HSD17B4: variants seen among roughly 807,000 people sequenced by gnomAD.
HSD17B4 encodes peroxisomal multifunctional enzyme type 2.
In HSD17B4, 70 loss-of-function variants were observed where a neutral mutation model predicts 101.0. The ratio of observed to expected loss-of-function variants is 0.69; its 90% CI spans 0.57 to 0.85. The LOEUF (loss-of-function observed/expected upper bound fraction) is 0.85, where lower values mean the gene tolerates loss of function less well. Among genes scored for constraint, HSD17B4 ranks in the 40% least tolerant of loss-of-function variants. The probability of loss-of-function intolerance (pLI) is 0.00; values close to 1 mark genes in which losing one functional copy is unlikely to be tolerated. For missense variants in HSD17B4, 984 were observed against 892.4 expected (o/e 1.10, Z -1.31); for synonymous variants, 347 against 297.1 (o/e 1.17, Z -1.73).
intron 23 of HSD17B4, among the ~76,000 whole-genome samples, 195 bp from the exon 24 acceptor site, chr5:119,541,710 T>G (rs1284836004): frequency 6.7e-6 from 1 of 148,982 alleles, no homozygotes; most frequent in Non-Finnish European, 1.5e-5. Context: ...ACAGGAATGA[T>G]TTTTCTTTTT....
chr5:119,528,077 T>C (rs1285155302), intron 20 of HSD17B4, among the ~76,000 whole-genome samples: 1 of 152,144 alleles, frequency 6.6e-6, no homozygotes, highest in Non-Finnish European at 1.5e-5. Flanking sequence ...CAGCTTTCAT[T>C]TATTGAGAAC....
At chr5:119,510,479 A>G (rs573599383) in intron 16 of HSD17B4, among the ~76,000 whole-genome samples, 40 of 152,322 alleles carry the variant, frequency 2.6e-4, no homozygotes, top group African/African-American at 8.9e-4. Context: ...ACTGTAGTCA[A>G]TATTCTTCTG....
intron 8 of HSD17B4, among the ~76,000 whole-genome samples, chr5:119,484,986 T>C (rs1749485218): frequency 6.6e-6 from 1 of 152,192 alleles, no homozygotes. Context: ...TATGATACTA[T>C]ATAGACACAA....
At chr5:119,540,185 C>T (rs1440477857) in intron 23 of HSD17B4, among the ~76,000 whole-genome samples, 3 of 152,090 alleles carry the variant, frequency 2.0e-5, no homozygotes, top group African/African-American at 4.8e-5. Context: ...TTGCATGGCA[C>T]TCCTAGGCCA....
intron 10 of HSD17B4, chr5:119,493,034 T>C (rs966792167): frequency 2.0e-5 from 3 of 152,184 alleles, no homozygotes; most frequent in African/African-American, 7.2e-5. Context: ...GAGTGTCTTA[T>C]TGCATTCATT....
intron 17 of HSD17B4, among the ~76,000 whole-genome samples, chr5:119,517,779 C>T (rs1432429630): frequency 6.6e-6 from 1 of 151,912 alleles, no homozygotes; most frequent in Non-Finnish European, 1.5e-5. Context: ...TGTAAATGCA[C>T]CAATCGGCAC....
At chr5:119,471,150 C>T (rs1756326257) in intron 2 of HSD17B4, among the ~76,000 whole-genome samples, 1 of 152,166 alleles carries the variant, frequency 6.6e-6, no homozygotes, top group African/African-American at 2.4e-5. Context: ...AGACTGTTAA[C>T]TGTCTTAAAA....
intron 2 of HSD17B4, among the ~76,000 whole-genome samples, chr5:119,464,007 A>G (rs1755554632): frequency 6.6e-6 from 1 of 152,016 alleles, no homozygotes; most frequent in Non-Finnish European, 1.5e-5. Context: ...TGCCATTTTA[A>G]AAATATACTG....
At chr5:119,492,287 T>C (rs1750180391) in intron 10 of HSD17B4, 163 bp downstream of exon 10, 5 of 685,272 alleles carry the variant, frequency 7.3e-6, no homozygotes, top group Admixed American at 4.2e-5. Flanking sequence ...TTTTTAAACA[T>C]TGTGATTGTC....
chr5:119,454,307 A>ATT (rs5870857), intron 1 of HSD17B4, among the ~76,000 whole-genome samples: 38 of 146,926 alleles, frequency 2.6e-4, no homozygotes, highest in East Asian at 6.0e-4. Context: ...AGTTGATTAA[A>ATT]TTTTTTTTTT....
chr5:119,471,478 T>C (rs1756359009), intron 2 of HSD17B4, among the ~76,000 whole-genome samples: 1 of 152,148 alleles, frequency 6.6e-6, no homozygotes, highest in Admixed American at 6.5e-5. Context: ...TACTTATTTA[T>C]CCAATTCCAC....
Position 119,536,674 on chromosome 5 carries a change from A to C in HSD17B4, c.2121+124A>C, listed in dbSNP as rs181168860. ...GGTTTCTTACAACTCTGAAGATGAC[A>C]CAGTTGCTACTGATACTCTGGTTGA... is the stretch of plus-strand genomic sequence containing the variant. On this transcript the variant is annotated intron_variant, in intron 23 of 23. Coordinates refer to ENST00000510025, the MANE Select transcript of HSD17B4 (RefSeq NM_000414.4). 4 of 836,666 alleles carry C rather than the reference A, an allele frequency of 4.8e-6. No individual in the cohort carries two copies. The East Asian group carries it at 1.1e-4, about 22-fold the overall frequency. 51.8% of individuals were successfully genotyped at this position (836,666 alleles called of 1,614,324 possible).
At chr5:119,539,087 A>G (rs1754764048) in intron 23 of HSD17B4, among the ~76,000 whole-genome samples, 1 of 152,182 alleles carries the variant, frequency 6.6e-6, no homozygotes, top group Non-Finnish European at 1.5e-5. Flanking sequence ...CAGACTCTAT[A>G]GTATATTTCC....
At chr5:119,478,300 C>G (rs1209740841) in intron 7 of HSD17B4, among the ~76,000 whole-genome samples, 1 of 152,078 alleles carries the variant, frequency 6.6e-6, no homozygotes, top group African/African-American at 2.4e-5. Flanking sequence ...TCATACATAC[C>G]TAATAGAAGC....
At chr5:119,541,860 T>A in intron 23 of HSD17B4, 45 bp from the exon 24 acceptor site, 6 of 1,073,636 alleles carry the variant, frequency 5.6e-6, no homozygotes, top group Non-Finnish European at 7.2e-6. Context: ...AAATAAACTA[T>A]AACATGGTAA....
chr5:119,529,984 G>C lies in HSD17B4; in HGVS notation c.1854+4G>C. 2 of 1,572,570 alleles carry C rather than the reference G, an allele frequency of 1.3e-6. No homozygotes were observed. Among genetic ancestry groups the C allele is most frequent in the Non-Finnish European group, 1.8e-6 (2 of 1,142,840 alleles). ...TTCAGCTAAGACACCCTCTGAGGTA[G>C]GTTATAAAAATTAGTATCCAAGCCA... On this transcript the variant is annotated splice_donor_region_variant and intron_variant, in intron 21 of 23. Transcript: ENST00000510025.
At chr5:119,460,015 T>C (rs1755062183) in intron 2 of HSD17B4, among the ~76,000 whole-genome samples, 1 of 151,840 alleles carries the variant, frequency 6.6e-6, no homozygotes, top group Non-Finnish European at 1.5e-5. Context: ...GGACTACAGG[T>C]GCCTGCCACC....
chr5:119,512,303 A>G (rs1350080429), intron 16 of HSD17B4, among the ~76,000 whole-genome samples: 1 of 152,182 alleles, frequency 6.6e-6, no homozygotes, highest in African/African-American at 2.4e-5. Context: ...TTGAGGAAAT[A>G]ATGGCTTCTG....
intron 2 of HSD17B4, among the ~76,000 whole-genome samples, chr5:119,470,746 G>A (rs932986946): frequency 2.0e-5 from 3 of 152,166 alleles, no homozygotes; most frequent in South Asian, 2.1e-4. Flanking sequence ...GCTGTTATTT[G>A]TTGTTTTGAT....
Sources: allele counts gnomAD v4.1 joint callset (sites outside exome capture counted in the v4.1 genomes callset), GRCh38; gene constraint gnomAD v4.1.1; transcripts MANE v1.5; gene names NCBI Gene and HGNC (gene_info 2026-07-23, HGNC 2026-07-21).